Variants in SPARCL1 observed in about 807,000 individuals in gnomAD.
The protein encoded by SPARCL1 is SPARC-like protein 1.
Under a neutral mutation model 67.1 loss-of-function variants are expected in SPARCL1, and 52 were observed. The observed-to-expected ratio is 0.78, with a 90% confidence interval of 0.62 to 0.98. SPARCL1 has a LOEUF of 0.98. Ranked by LOEUF, SPARCL1 falls within the 50% of genes least tolerant of loss-of-function variation. SPARCL1 has a pLI of 0.00. For synonymous variants in SPARCL1, 226 were observed against 267.8 expected, an observed-to-expected ratio of 0.84 and a Z score of 1.52; for missense variants, 717 against 782.4, an observed-to-expected ratio of 0.92 and a Z score of 1.00.
chr4:87,494,082 A>G lies in SPARCL1; in HGVS notation c.718T>C (p.Ser240Pro). 4 of 1,613,820 alleles carry G rather than the reference A, an allele frequency of 2.5e-6. No homozygotes were observed. The highest frequency in any genetic ancestry group is 1.1e-5 in the South Asian group (1 of 91,070). ...TCAGACTCTTCCAAAATATCATCAG[A>G]TTGGGTATTGTCTTCCTCCTGCTTG... ...NSKQEEDNTQ[S>P]DDILEESDQP... The change falls in exon 4 of 11, where the codon TCT becomes CCT. Residue 240 changes from serine to proline, a missense_variant. By Grantham distance (74) the Ser-to-Pro change is moderately conservative. Transcript: ENST00000282470.
intron 1 of SPARCL1, among the ~76,000 whole-genome samples, chr4:87,511,075 C>G (rs903897949): frequency 6.6e-6 from 1 of 152,178 alleles, no homozygotes; most frequent in African/African-American, 2.4e-5. Context: ...CCGCGAGTTC[C>G]GTGAAGGGGT....
chr4:87,494,104 C>T lies in SPARCL1; in HGVS notation c.696G>A (p.Lys232=). ...CAGATTGGGTATTGTCTTCCTCCTGCTTGCTGTTAGCATGCTCCCTGGGCA... is the reference window on the plus strand; with the variant it reads ...CAGATTGGGTATTGTCTTCCTCCTGTTTGCTGTTAGCATGCTCCCTGGGCA... ...TELPREHANS[K]QEEDNTQSDD... is the part of the protein sequence containing the mutation. Residue 232 remains lysine, a synonymous_variant, in exon 4 of 11, where the codon AAG becomes AAA. Coordinates refer to ENST00000282470, the MANE Select transcript of SPARCL1 (RefSeq NM_004684.6). 6.2e-7 allele frequency: 1 copy of T among 1,613,900 alleles called. No homozygotes were observed. The highest frequency in any genetic ancestry group is 8.5e-7 in the Non-Finnish European group (1 of 1,180,036).
intron 1 of SPARCL1, among the ~76,000 whole-genome samples, chr4:87,500,471 A>G (rs1724797935): frequency 6.6e-6 from 1 of 152,050 alleles, no homozygotes. Flanking sequence ...GGCAGCCTAC[A>G]TTTTTTTGCA....
intron 1 of SPARCL1, among the ~76,000 whole-genome samples, chr4:87,525,209 A>G (rs1725990609): frequency 6.6e-6 from 1 of 152,114 alleles, no homozygotes; most frequent in Non-Finnish European, 1.5e-5. Context: ...TGTTATCCAC[A>G]TTTCACAAGT....
At chr4:87,486,614 C>G (rs1724068123) in intron 7 of SPARCL1, among the ~76,000 whole-genome samples, 1 of 152,014 alleles carries the variant, frequency 6.6e-6, no homozygotes, top group Non-Finnish European at 1.5e-5. Flanking sequence ...CCTGAATATA[C>G]TTGTTAATTT....
chr4:87,476,656 A>G (rs1197388565), intron 10 of SPARCL1, among the ~76,000 whole-genome samples: 1 of 152,228 alleles, frequency 6.6e-6, no homozygotes, highest in African/African-American at 2.4e-5. Flanking sequence ...GTATGTGTCA[A>G]TGCATGGTAT....
At chr4:87,504,185 T>TGTGGGGG (rs1553970328) in intron 1 of SPARCL1, among the ~76,000 whole-genome samples, 2 of 19,088 alleles carry the variant, frequency 1.0e-4, no homozygotes, top group Admixed American at 8.0e-4. Context: ...GTGTGTGTGG[T>TGTGGGGG]GGGGTGGGGG....
Position 87,493,607 on chromosome 4 carries a change from G to A in SPARCL1, c.1193C>T (p.Thr398Ile). 1 of 1,612,488 alleles carries A rather than the reference G, an allele frequency of 6.2e-7. No homozygotes were observed. Among genetic ancestry groups the A allele is most frequent in the Non-Finnish European group, 8.5e-7 (1 of 1,179,050 alleles). ...CTCTTGGTGCTCTCCAGGCTCAGTG[G>A]TACCTATATTTTCATTTTCATGTAC... ...EKVHENENIGTTEPGEHQEAK... is the reference protein window; with the variant it reads ...EKVHENENIGITEPGEHQEAK... The change falls in exon 4 of 11, where the codon ACC becomes ATC. Residue 398 changes from threonine (T) to isoleucine (I), a missense_variant. Thr to Ile is a moderately conservative substitution (Grantham distance 89). Transcript: ENST00000282470.
intron 10 of SPARCL1, among the ~76,000 whole-genome samples, chr4:87,477,369 A>G (rs1327770199): frequency 6.6e-6 from 1 of 152,196 alleles, no homozygotes; most frequent in Admixed American, 6.5e-5. Context: ...TTGAATTTTT[A>G]TAAGTACTCT....
chr4:87,476,567 A>C (rs995355942), intron 10 of SPARCL1, among the ~76,000 whole-genome samples: 3 of 152,142 alleles, frequency 2.0e-5, no homozygotes, highest in Non-Finnish European at 4.4e-5. Flanking sequence ...ATGTCTTTAA[A>C]TGGCTTAGGG....
At position 87,494,588 on chromosome 4, in the gene SPARCL1, G is replaced by A; in HGVS notation, c.212C>T (p.Ser71Leu). The A allele has an allele frequency of 6.4e-7, 1 of 1,573,956 alleles. No individual in the cohort carries two copies. Residue 71 changes from serine (S) to leucine (L), a missense_variant, in exon 4 of 11, where the codon TCA (serine) becomes TTA (leucine). By Grantham distance (145) the Ser-to-Leu change is moderately radical (BLOSUM62 -2). Transcript: ENST00000282470. ...EDDSHHKAEK[S>L]SVLKSKEESH... ...TTCCTCTTTTGACTTTAGTACTGAT[G>A]ATTTTTCAGCCTTAAAAGAAAAAAA...
chr4:87,516,054 T>C (rs1725569286), intron 1 of SPARCL1, among the ~76,000 whole-genome samples: 2 of 152,178 alleles, frequency 1.3e-5, no homozygotes, highest in African/African-American at 4.8e-5. Flanking sequence ...GGCTAGGTCA[T>C]AAGAAACCTT....
intron 10 of SPARCL1, among the ~76,000 whole-genome samples, chr4:87,478,327 G>T (rs1723663012): frequency 6.6e-6 from 1 of 151,918 alleles, no homozygotes; most frequent in Admixed American, 6.6e-5. Flanking sequence ...TTGTGGAATG[G>T]TTAAATTGAT....
chr4:87,523,907 T>C (rs1214166314), intron 1 of SPARCL1, among the ~76,000 whole-genome samples: 1 of 152,212 alleles, frequency 6.6e-6, no homozygotes, highest in South Asian at 2.1e-4. Context: ...TTTGGTCCTA[T>C]GCAGTTTTCA....
chr4:87,490,389 C>A lies in SPARCL1; in HGVS notation c.1415G>T (p.Cys472Phe). ...AGCATAGGTCTGATTGTCAGTGCCA[C>A]AAACCTATGGAAGATAAGTAGAAGA... is the stretch of plus-strand genomic sequence containing the variant. Reference protein sequence around the residue: ...CPPTKPLDQVCGTDNQTYASS... With the variant: ...CPPTKPLDQVFGTDNQTYASS... The change falls in exon 7 of 11, where the codon TGT becomes TTT. Residue 472 changes from cysteine (C) to phenylalanine (F), a missense_variant. Physicochemically the swap from Cys to Phe is radical, Grantham distance 205. Transcript: ENST00000282470. 6.2e-7 allele frequency: 1 copy of A among 1,606,528 alleles called. No individual in the cohort carries two copies. The highest frequency in any genetic ancestry group is 8.5e-7 in the Non-Finnish European group (1 of 1,177,718).
At position 87,480,577 on chromosome 4, in the gene SPARCL1, CACTTGCTA is replaced by C. The variant is rs1340019795; in HGVS notation, c.1669-65_1669-58del. The C allele has an allele frequency of 3.4e-6, 5 of 1,480,102 alleles. No homozygotes were observed. The African/African-American group carries it at 1.1e-4, about 33-fold the overall frequency. The allele number at this position is 1,480,102 out of a possible 1,614,324, so 91.7% of individuals were successfully genotyped here. A position where few individuals can be genotyped will look rare whatever the true frequency, so the allele number is the denominator to read the frequency against. ...AATCAGACAAATGTAATGGACTTGT[CACTTGCTA>C]TAAACTTTACTTGAAGAGTGACAGT... is the stretch of plus-strand genomic sequence containing the variant. On this transcript the variant is annotated intron_variant, in intron 8 of 10. Transcript: ENST00000282470.
intron 1 of SPARCL1, among the ~76,000 whole-genome samples, chr4:87,512,410 G>C (rs532372841): frequency 6.6e-6 from 1 of 152,198 alleles, no homozygotes; most frequent in South Asian, 2.1e-4. Context: ...TATGATGTGG[G>C]CCTTAACCTT....
intron 6 of SPARCL1, 57 bp from the exon 7 acceptor site, chr4:87,490,450 C>G (rs542673084): frequency 1.9e-6 from 3 of 1,559,988 alleles, no homozygotes; most frequent in South Asian, 2.5e-5. Context: ...CTGGAAGACA[C>G]TCTGCTCCTT....
chr4:87,489,504 G>T (rs767121982), intron 7 of SPARCL1, among the ~76,000 whole-genome samples: 1 of 152,164 alleles, frequency 6.6e-6, no homozygotes, highest in Non-Finnish European at 1.5e-5. Flanking sequence ...CTCACTGGGA[G>T]CTGCAAACCA....
Sources: allele counts gnomAD v4.1 joint callset (sites outside exome capture counted in the v4.1 genomes callset), GRCh38; gene constraint gnomAD v4.1.1; transcripts MANE v1.5; gene names NCBI Gene and HGNC (gene_info 2026-07-23, HGNC 2026-07-21).